FBXL17: variants seen among roughly 807,000 people sequenced by gnomAD.
The protein encoded by FBXL17 is F-box/LRR-repeat protein 17.
A neutral mutation model predicts 66.2 loss-of-function variants in FBXL17; 22 were observed. The observed-to-expected ratio is 0.33, with a 90% CI of 0.24 to 0.47. FBXL17 has a LOEUF of 0.47. Among genes scored for constraint, FBXL17 ranks in the 20% least tolerant of loss-of-function variants. The probability of loss-of-function intolerance (pLI) is 1.00; values close to 1 mark genes in which losing one functional copy is unlikely to be tolerated. For synonymous variants in FBXL17, 474 were observed against 400.5 expected (o/e 1.18, Z -2.19); for missense variants, 878 against 948.2 (o/e 0.93, Z 0.97).
chr5:108,305,425 T>C (rs1304149401), intron 4 of FBXL17, among the ~76,000 whole-genome samples: 1 of 151,786 alleles, frequency 6.6e-6, no homozygotes, highest in Non-Finnish European at 1.5e-5. Context: ...ATGACATAGG[T>C]TTACCTAAGT....
chr5:108,123,234 C>T (rs2149967118), intron 6 of FBXL17, among the ~76,000 whole-genome samples: 1 of 151,942 alleles, frequency 6.6e-6, no homozygotes, highest in South Asian at 2.1e-4. Flanking sequence ...CCAAGAATTG[C>T]TCAAATATCT....
At chr5:108,318,472 C>T (rs1204480226) in intron 4 of FBXL17, among the ~76,000 whole-genome samples, 2 of 151,714 alleles carry the variant, frequency 1.3e-5, no homozygotes, top group Non-Finnish European at 2.9e-5. Context: ...AAAAAAAGTT[C>T]CTCAACAACC....
intron 7 of FBXL17, among the ~76,000 whole-genome samples, chr5:108,020,458 T>A (rs1056172061): frequency 2.6e-5 from 4 of 151,974 alleles, no homozygotes; most frequent in African/African-American, 9.7e-5. Context: ...ACTTCCTATA[T>A]CCACAAATGG....
intron 4 of FBXL17, among the ~76,000 whole-genome samples, chr5:108,347,154 C>A (rs1747333430): frequency 6.6e-6 from 1 of 152,154 alleles, no homozygotes; most frequent in Admixed American, 6.5e-5. Flanking sequence ...TTACACAAAC[C>A]TAGAGCATAC....
At chr5:108,262,072 T>TTATA (rs1217416622) in intron 4 of FBXL17, among the ~76,000 whole-genome samples, 3 of 134,230 alleles carry the variant, frequency 2.2e-5, no homozygotes, top group Non-Finnish European at 4.7e-5. Context: ...ATTTATTTAT[T>TTATA]TATTTATTTA....
intron 5 of FBXL17, among the ~76,000 whole-genome samples, chr5:108,195,053 G>A (rs1335325473): frequency 6.6e-6 from 1 of 152,092 alleles, no homozygotes; most frequent in Non-Finnish European, 1.5e-5. Context: ...TGATTAAGCA[G>A]CTATTGTGTA....
intron 6 of FBXL17, among the ~76,000 whole-genome samples, chr5:108,097,456 C>T (rs1184095147): frequency 1.3e-5 from 2 of 152,058 alleles, no homozygotes; most frequent in African/African-American, 4.8e-5. Flanking sequence ...TTCATTTTTG[C>T]ATGACTGACT....
At chr5:108,119,532 T>C (rs1750392769) in intron 6 of FBXL17, among the ~76,000 whole-genome samples, 3 of 152,200 alleles carry the variant, frequency 2.0e-5, no homozygotes, top group Non-Finnish European at 2.9e-5. Flanking sequence ...AGAAGGAATA[T>C]ATTTCTCTTT....
At chr5:108,139,878 G>T (rs1376759470) in intron 6 of FBXL17, among the ~76,000 whole-genome samples, 1 of 152,106 alleles carries the variant, frequency 6.6e-6, no homozygotes, top group African/African-American at 2.4e-5. Context: ...CATGCCTTCT[G>T]AATTCTTCCT....
intron 4 of FBXL17, among the ~76,000 whole-genome samples, chr5:108,260,093 C>T (rs1384454663): frequency 6.6e-6 from 1 of 151,726 alleles, no homozygotes; most frequent in Admixed American, 6.6e-5. Flanking sequence ...GGGAGGAAAC[C>T]GGTTGTTGGA....
chr5:108,130,516 C>CT (rs1259472487), intron 6 of FBXL17, among the ~76,000 whole-genome samples: 1 of 151,898 alleles, frequency 6.6e-6, no homozygotes, highest in Non-Finnish European at 1.5e-5. Flanking sequence ...CGAAAAGTAT[C>CT]TTTTCAAGAT....
chr5:107,951,439 C>T (rs1011753863), intron 7 of FBXL17, among the ~76,000 whole-genome samples: 11 of 152,212 alleles, frequency 7.2e-5, no homozygotes, highest in African/African-American at 2.7e-4. Context: ...AGAACAGGTG[C>T]TTAGCTGATG....
chr5:108,169,171 C>A (rs1039600846), intron 6 of FBXL17, among the ~76,000 whole-genome samples: 3 of 152,116 alleles, frequency 2.0e-5, no homozygotes, highest in African/African-American at 7.2e-5. Flanking sequence ...CAAGAGCTAT[C>A]ACACAAAAAA....
At chr5:108,090,089 A>G (rs749868881) in intron 6 of FBXL17, among the ~76,000 whole-genome samples, 21 of 152,302 alleles carry the variant, frequency 1.4e-4, no homozygotes, top group Non-Finnish European at 2.6e-4. Context: ...TTGGCCTCCC[A>G]AAGTGCTGCG....
chr5:108,250,891 C>T (rs1756320223), intron 4 of FBXL17, among the ~76,000 whole-genome samples: 1 of 151,958 alleles, frequency 6.6e-6, no homozygotes, highest in Non-Finnish European at 1.5e-5. Flanking sequence ...CTTGGGGAAC[C>T]TTCCACATCA....
chr5:108,380,880 G>C lies in FBXL17; in HGVS notation c.812C>G (p.Pro271Arg). Residue 271 changes from proline to arginine, a missense_variant, in exon 1 of 9, where the codon CCC (proline) becomes CGC (arginine). Coordinates refer to ENST00000542267, the MANE Select transcript of FBXL17 (RefSeq NM_001163315.3). ...PPSSPTSEGA[P>R]TEAGGDAVRA... The stretch of plus-strand genomic sequence containing the variant: ...GACAGCGTCCCCGCCAGCTTCGGTG[G>C]GGGCACCTTCGGAGGTGGGAGAAGA... 8.1e-7 allele frequency: 1 copy of C among 1,241,404 alleles called. No individual in the cohort carries two copies. The highest frequency in any genetic ancestry group is 1.0e-6 in the Non-Finnish European group (1 of 987,054). The allele number at this position is 1,241,404 out of a possible 1,614,324, so 76.9% of individuals were successfully genotyped here.
intron 4 of FBXL17, among the ~76,000 whole-genome samples, chr5:108,329,152 G>T (rs1760000392): frequency 6.6e-6 from 1 of 152,060 alleles, no homozygotes; most frequent in Non-Finnish European, 1.5e-5. Flanking sequence ...AAAAGAAATT[G>T]AGGCAGCTCT....
At position 108,194,576 on chromosome 5, in the gene FBXL17, C is replaced by A. The variant is rs556707119; in HGVS notation, c.1615-8329G>T. 5.3e-5 allele frequency among the ~76,000 whole-genome samples: 8 copies of A among 152,254 alleles called. No individual in the cohort carries two copies. The South Asian group carries it at 1.5e-3, about 28-fold the overall frequency. On this transcript the variant is annotated intron_variant, in intron 5 of 8. Transcript: ENST00000542267. The stretch of plus-strand genomic sequence containing the variant: ...ATCTCTTCACCCTCCCTTCCCTGAT[C>A]GCTTCCTTCTCCCCTTCTAGCCTTT...
chr5:108,101,543 C>T (rs1749601310), intron 6 of FBXL17, among the ~76,000 whole-genome samples: 1 of 152,210 alleles, frequency 6.6e-6, no homozygotes, highest in African/African-American at 2.4e-5. Flanking sequence ...TGTAACAGTT[C>T]TCAGCTAATT....
Sources: allele counts gnomAD v4.1 joint callset (sites outside exome capture counted in the v4.1 genomes callset), GRCh38; gene constraint gnomAD v4.1.1; transcripts MANE v1.5; gene names NCBI Gene and HGNC (gene_info 2026-07-23, HGNC 2026-07-21).